ACSM1: variants seen among roughly 807,000 people sequenced by gnomAD.
ACSM1 encodes acyl-CoA synthetase medium chain family member 1.
Under a neutral mutation model 75.8 loss-of-function variants are expected in ACSM1, and 79 were observed. The ratio of observed to expected loss-of-function variants is 1.04; its 90% confidence interval spans 0.87 to 1.26. The LOEUF is 1.26. ACSM1 is among the 50% of genes most tolerant of loss of function. ACSM1 has a pLI of 0.00. For synonymous variants in ACSM1, 279 were observed against 265.8 expected, an observed-to-expected ratio of 1.05 and a Z score of -0.48; for missense variants, 676 against 720.1, an observed-to-expected ratio of 0.94 and a Z score of 0.70.
chr16:20,658,697 C>A (rs542008984), intron 7 of ACSM1, among the ~76,000 whole-genome samples: 3 of 151,916 alleles, frequency 2.0e-5, no homozygotes, highest in Non-Finnish European at 4.4e-5. Flanking sequence ...AGAATAGATT[C>A]GTCTATATTA....
chr16:20,670,773 C>A (rs1162072497), intron 5 of ACSM1, among the ~76,000 whole-genome samples: 2 of 152,182 alleles, frequency 1.3e-5, no homozygotes, highest in African/African-American at 4.8e-5. Flanking sequence ...GAAGCTCTCC[C>A]TTCTCTCACC....
At chr16:20,646,043 A>C (rs2152227881) in intron 7 of ACSM1, among the ~76,000 whole-genome samples, 1 of 152,248 alleles carries the variant, frequency 6.6e-6, no homozygotes, top group South Asian at 2.1e-4. Context: ...AAACTTAGAA[A>C]CCCTATTGAA....
At chr16:20,692,747 G>A (rs917642969) in intron 1 of ACSM1, among the ~76,000 whole-genome samples, 3 of 152,148 alleles carry the variant, frequency 2.0e-5, no homozygotes, top group Non-Finnish European at 4.4e-5. Context: ...TTTTCTTCTT[G>A]TTATGCCAGA....
chr16:20,646,200 C>A (rs981135705), intron 7 of ACSM1, among the ~76,000 whole-genome samples: 1 of 152,112 alleles, frequency 6.6e-6, no homozygotes, highest in Non-Finnish European at 1.5e-5. Context: ...AAAGGCTGGG[C>A]AAATCAAATG....
intron 6 of ACSM1, among the ~76,000 whole-genome samples, chr16:20,666,551 C>T (rs535121280): frequency 6.6e-6 from 1 of 151,474 alleles, no homozygotes; most frequent in East Asian, 2.0e-4. Flanking sequence ...ACCATATTGC[C>T]TAAAGCAATT....
At chr16:20,626,542 G>C (rs1020012646) in intron 11 of ACSM1, among the ~76,000 whole-genome samples, 1 of 151,784 alleles carries the variant, frequency 6.6e-6, no homozygotes, top group Non-Finnish European at 1.5e-5. Flanking sequence ...TGAATCTTTA[G>C]GCAAATTTCC....
At chr16:20,655,626 C>G (rs2018917510) in intron 7 of ACSM1, among the ~76,000 whole-genome samples, 1 of 151,846 alleles carries the variant, frequency 6.6e-6, no homozygotes, top group Non-Finnish European at 1.5e-5. Flanking sequence ...TTGGTTAAAG[C>G]AAGATTTTAT....
At chr16:20,627,879 T>C (rs1217938008) in intron 10 of ACSM1, among the ~76,000 whole-genome samples, 1,548 of 12,032 alleles carry the variant, frequency 0.13, 62 homozygotes, top group Non-Finnish European at 0.15. Flanking sequence ...CATATATATA[T>C]ATATATATAT....
At chr16:20,638,810 C>A (rs768959568) in intron 8 of ACSM1, among the ~76,000 whole-genome samples, 5 of 152,204 alleles carry the variant, frequency 3.3e-5, no homozygotes, top group Non-Finnish European at 7.3e-5. Context: ...AAACGTTGCA[C>A]ACATGAGTGA....
At chr16:20,664,660 G>A (rs746033258) in intron 6 of ACSM1, among the ~76,000 whole-genome samples, 2 of 152,140 alleles carry the variant, frequency 1.3e-5, no homozygotes, top group East Asian at 3.8e-4. Flanking sequence ...GGACCTAATA[G>A]ACATCCACAG....
intron 1 of ACSM1, among the ~76,000 whole-genome samples, chr16:20,696,470 A>G (rs569409160): frequency 3.8e-4 from 58 of 152,388 alleles, no homozygotes; most frequent in African/African-American, 1.3e-3. Flanking sequence ...CAGAAAGAGA[A>G]AAGCCAGTGT....
chr16:20,683,403 CAGCTGTG>C (rs2079485582), intron 3 of ACSM1, among the ~76,000 whole-genome samples: 1 of 151,524 alleles, frequency 6.6e-6, no homozygotes, highest in Non-Finnish European at 1.5e-5. Context: ...GCTGGGATTA[CAGCTGTG>C]AGCCACCATG....
chr16:20,667,190 G>C (rs1169758917), intron 6 of ACSM1, among the ~76,000 whole-genome samples: 1 of 152,106 alleles, frequency 6.6e-6, no homozygotes, highest in African/African-American at 2.4e-5. Flanking sequence ...TTCAAACTAT[G>C]CATCTGACAA....
chr16:20,632,210 T>C (rs1825411591), intron 10 of ACSM1, among the ~76,000 whole-genome samples: 1 of 152,044 alleles, frequency 6.6e-6, no homozygotes. Flanking sequence ...AACCCAAGCA[T>C]AGCAGAAGCA....
At chr16:20,688,503 C>G (rs1239494754) in intron 2 of ACSM1, among the ~76,000 whole-genome samples, 1 of 152,028 alleles carries the variant, frequency 6.6e-6, no homozygotes, top group African/African-American at 2.4e-5. Flanking sequence ...TATCAAGACA[C>G]ATTATAATTA....
chr16:20,687,186 C>T (rs950076495), intron 2 of ACSM1, among the ~76,000 whole-genome samples: 1 of 151,888 alleles, frequency 6.6e-6, no homozygotes, highest in Admixed American at 6.6e-5. Context: ...GAAACCATGG[C>T]ATAATTTGAA....
At chr16:20,633,223 T>C (rs925180582) in intron 10 of ACSM1, among the ~76,000 whole-genome samples, 6 of 152,148 alleles carry the variant, frequency 3.9e-5, no homozygotes, top group African/African-American at 1.4e-4. Context: ...AGTAAAATTA[T>C]CTCTGCATGC....
intron 6 of ACSM1, among the ~76,000 whole-genome samples, chr16:20,663,523 G>T (rs1294219572): frequency 6.6e-6 from 1 of 152,014 alleles, no homozygotes; most frequent in South Asian, 2.1e-4. Flanking sequence ...CCTTGTGTTG[G>T]GTCTGATCAC....
At chr16:20,665,213 G>A (rs565483204) in intron 6 of ACSM1, among the ~76,000 whole-genome samples, 8 of 152,132 alleles carry the variant, frequency 5.3e-5, no homozygotes, top group African/African-American at 1.7e-4. Flanking sequence ...CTGAGAGCTT[G>A]TTTTTCAAAA....
Sources: gnomAD v4.1 joint callset for allele counts (sites outside exome capture counted in the v4.1 genomes callset) on GRCh38, gnomAD v4.1.1 for gene constraint, MANE v1.5 for transcripts, NCBI Gene and HGNC (gene_info 2026-07-23, HGNC 2026-07-21) for gene names.